SH3GL2: variants seen among roughly 807,000 people sequenced by gnomAD.
SH3GL2 encodes the protein endophilin-A1.
Under a neutral mutation model 46.0 loss-of-function variants are expected in SH3GL2, and 24 were observed. The observed-to-expected ratio is 0.52, with a 90% CI of 0.38 to 0.73. SH3GL2 has a LOEUF of 0.73. SH3GL2 is among the 30% of genes least tolerant of loss of function. The probability of loss-of-function intolerance (pLI) is 0.00; values close to 1 mark genes in which losing one functional copy is unlikely to be tolerated. For missense variants in SH3GL2, 413 were observed against 424.2 expected (o/e 0.97, Z 0.23); for synonymous variants, 196 against 147.1 (o/e 1.33, Z -2.40).
At chr9:17,618,670 G>T (rs1469227025) in intron 1 of SH3GL2, among the ~76,000 whole-genome samples, 1 of 152,096 alleles carries the variant, frequency 6.6e-6, no homozygotes, top group African/African-American at 2.4e-5. Context: ...TAGTAAATAT[G>T]CTGTATCACT....
chr9:17,690,151 T>C (rs913981376), intron 1 of SH3GL2, among the ~76,000 whole-genome samples: 1 of 152,136 alleles, frequency 6.6e-6, no homozygotes, highest in African/African-American at 2.4e-5. Context: ...GCAGCAGTTG[T>C]ATACCTCTGA....
chr9:17,675,230 C>CA (rs1820576993), intron 1 of SH3GL2, among the ~76,000 whole-genome samples: 1 of 152,144 alleles, frequency 6.6e-6, no homozygotes, highest in Admixed American at 6.5e-5. Flanking sequence ...GTGCAATAAA[C>CA]ATTTGTATCT....
chr9:17,601,152 C>T (rs1051360896), intron 1 of SH3GL2, among the ~76,000 whole-genome samples: 4 of 152,138 alleles, frequency 2.6e-5, no homozygotes, highest in Non-Finnish European at 4.4e-5. Flanking sequence ...TAATAGGTCA[C>T]GTGGTGGCTG....
At chr9:17,588,398 T>G (rs1422112895) in intron 1 of SH3GL2, among the ~76,000 whole-genome samples, 1 of 152,202 alleles carries the variant, frequency 6.6e-6, no homozygotes, top group Non-Finnish European at 1.5e-5. Flanking sequence ...AAAGGGAGAT[T>G]ATATGATTGG....
rs76445608 is a variant in SH3GL2, at chr9:17,749,126, C to T, written c.114+1992C>T. On this transcript the variant is annotated intron_variant, in intron 2 of 8. Coordinates refer to ENST00000380607, the MANE Select transcript of SH3GL2 (RefSeq NM_003026.5). The stretch of plus-strand genomic sequence containing the variant: ...CCAGACTCTTACAGCTGAGGCCTGG[C>T]ACCTACTTCCTCCAACTGGACCAAA... Among the ~76,000 whole-genome samples, 20 of 152,324 alleles carry T rather than the reference C, an allele frequency of 1.3e-4. No individual in the cohort carries two copies. The East Asian group carries it at 2.9e-3, about 22-fold the overall frequency.
Position 17,795,698 on chromosome 9 carries a change from C to T in SH3GL2, c.1014C>T (p.Phe338=), listed in dbSNP as rs367808422. 70 of 1,613,920 alleles carry T rather than the reference C, an allele frequency of 4.3e-5. No individual in the cohort carries two copies. Among genetic ancestry groups the T allele is most frequent in the Non-Finnish European group, 5.3e-5 (62 of 1,179,954 alleles). ...GGATGCTGCATGGCCATTCAGGCTT[C>T]TTCCCCATCAATTATGTGGAAATTC... is the stretch of plus-strand genomic sequence containing the variant. ...YEGMLHGHSG[F]FPINYVEILV... is the part of the protein sequence containing the mutation. Residue 338 remains phenylalanine, a synonymous_variant, in exon 9 of 9, where the codon TTC becomes TTT. Transcript: ENST00000380607.
intron 1 of SH3GL2, among the ~76,000 whole-genome samples, chr9:17,678,851 G>A (rs1322485712): frequency 2.0e-5 from 3 of 152,006 alleles, no homozygotes; most frequent in Non-Finnish European, 2.9e-5. Flanking sequence ...TCTCCATATG[G>A]CTAGCCAGTT....
intron 5 of SH3GL2, among the ~76,000 whole-genome samples, chr9:17,788,869 A>G (rs901441198): frequency 2.6e-5 from 4 of 151,942 alleles, no homozygotes; most frequent in African/African-American, 4.8e-5. Flanking sequence ...TATCGATTCA[A>G]GAGCTCAGGA....
At chr9:17,765,939 A>G (rs571188758) in intron 3 of SH3GL2, among the ~76,000 whole-genome samples, 2 of 152,352 alleles carry the variant, frequency 1.3e-5, no homozygotes, top group South Asian at 2.1e-4. Flanking sequence ...CTAATGTACT[A>G]AAACTTCTCT....
chr9:17,631,136 C>G lies in SH3GL2; in HGVS notation c.45+51849C>G, dbSNP rs144724168. 3.9e-3 allele frequency among the ~76,000 whole-genome samples: 587 copies of G among 152,276 alleles called. 2 individuals carry two copies. Among genetic ancestry groups the G allele is most frequent in the African/African-American group, 0.013 (548 of 41,556 alleles). On this transcript the variant is annotated intron_variant, in intron 1 of 8. Coordinates refer to ENST00000380607, the MANE Select transcript of SH3GL2 (RefSeq NM_003026.5). The stretch of plus-strand genomic sequence containing the variant: ...ATGGTGATGCTATAGAGGAAAAAAC[C>G]CGCAATTATTTTTGCACCAACCTAA...
chr9:17,638,082 G>A (rs953454763), intron 1 of SH3GL2, among the ~76,000 whole-genome samples: 1 of 151,862 alleles, frequency 6.6e-6, no homozygotes, highest in East Asian at 1.9e-4. Flanking sequence ...GCATGAACCC[G>A]GGAGGCGGAG....
chr9:17,757,311 G>A (rs903687760), intron 2 of SH3GL2, among the ~76,000 whole-genome samples: 1 of 152,128 alleles, frequency 6.6e-6, no homozygotes, highest in African/African-American at 2.4e-5. Flanking sequence ...TGACAAATGG[G>A]ATCTAATTAA....
At chr9:17,673,538 T>C (rs1294560955) in intron 1 of SH3GL2, among the ~76,000 whole-genome samples, 1 of 152,106 alleles carries the variant, frequency 6.6e-6, no homozygotes, top group Non-Finnish European at 1.5e-5. Flanking sequence ...TAGAAACACA[T>C]TTCTGACCAC....
intron 3 of SH3GL2, among the ~76,000 whole-genome samples, chr9:17,778,093 T>G (rs1823695593): frequency 1.3e-5 from 2 of 152,172 alleles, no homozygotes; most frequent in South Asian, 4.1e-4. Context: ...ACCATACTGG[T>G]CATAGCCTCC....
intron 1 of SH3GL2, among the ~76,000 whole-genome samples, chr9:17,628,938 T>G (rs1819356619): frequency 6.6e-6 from 1 of 152,110 alleles, no homozygotes; most frequent in South Asian, 2.1e-4. Flanking sequence ...CAACTGTTTA[T>G]AAAGATCCAT....
chr9:17,676,520 C>G (rs542905653), intron 1 of SH3GL2, among the ~76,000 whole-genome samples: 2 of 152,288 alleles, frequency 1.3e-5, no homozygotes, highest in South Asian at 4.1e-4. Context: ...GCAGGAGAAT[C>G]ACTTGAACCC....
At chr9:17,787,202 C>T (rs1443067871) in intron 4 of SH3GL2, among the ~76,000 whole-genome samples, 178 bp from the exon 5 acceptor site, 1 of 152,012 alleles carries the variant, frequency 6.6e-6, no homozygotes, top group Non-Finnish European at 1.5e-5. Context: ...AGGTATTTAC[C>T]CTCTTAGGGG....
intron 1 of SH3GL2, among the ~76,000 whole-genome samples, chr9:17,600,598 C>G (rs529307272): frequency 1.5e-4 from 23 of 152,308 alleles, no homozygotes; most frequent in Admixed American, 2.0e-4. Flanking sequence ...TATTTCCATC[C>G]TAGTTTAAGG....
intron 1 of SH3GL2, among the ~76,000 whole-genome samples, chr9:17,721,966 G>GAC (rs1821905101): frequency 6.6e-6 from 1 of 152,094 alleles, no homozygotes; most frequent in African/African-American, 2.4e-5. Context: ...AGTGAGGTGA[G>GAC]GTGAGGTTGA....
Sources: allele counts gnomAD v4.1 joint callset (sites outside exome capture counted in the v4.1 genomes callset), GRCh38; gene constraint gnomAD v4.1.1; transcripts MANE v1.5; gene names NCBI Gene and HGNC (gene_info 2026-07-23, HGNC 2026-07-21).